COL4A1: variants seen among roughly 807,000 people sequenced by gnomAD.
The protein encoded by COL4A1 is collagen type IV alpha 1 chain.
In COL4A1, 40 loss-of-function variants were observed where a neutral mutation model predicts 216.6. The ratio of observed to expected loss-of-function variants is 0.18; its 90% confidence interval spans 0.14 to 0.24. The LOEUF is 0.24. Among genes scored for constraint, COL4A1 ranks in the 10% least tolerant of loss-of-function variants. The pLI is 1.00. For synonymous variants in COL4A1, 839 were observed against 810.7 expected (o/e 1.03, Z -0.59); for missense variants, 1,628 against 2,196.8 (o/e 0.74, Z 5.18).
chr13:110,223,301 G>T (rs1247553690), intron 2 of COL4A1, among the ~76,000 whole-genome samples: 3 of 151,954 alleles, frequency 2.0e-5, no homozygotes, highest in Non-Finnish European at 2.9e-5. Flanking sequence ...TTCTTCTTTG[G>T]TCTTCTTCCA....
intron 2 of COL4A1, among the ~76,000 whole-genome samples, chr13:110,219,649 T>A (rs71440054): frequency 0.26 from 33,534 of 128,602 alleles, 4,371 homozygotes; most frequent in East Asian, 0.35. Flanking sequence ...AAGTTGAAAA[T>A]ATATATATAT....
In COL4A1 at chr13:110,252,590, T is replaced by TTA. The variant is rs1300920203; in HGVS notation, c.85-9858_85-9857dup. 2.7e-4 allele frequency among the ~76,000 whole-genome samples: 36 copies of TTA among 131,560 alleles called. 12 individuals are homozygous for TTA. The highest frequency in any genetic ancestry group is 7.2e-4 in the South Asian group (3 of 4,152). 86.3% of individuals were successfully genotyped at this position (131,560 alleles called of 152,430 possible). On this transcript the variant is annotated intron_variant, in intron 1 of 51. Coordinates refer to ENST00000375820, the MANE Select transcript of COL4A1 (RefSeq NM_001845.6). ...GTATATATGTATTATATACGTATAA[T>TTA]TATACGTATATATGTATTATATATG... is the stretch of plus-strand genomic sequence containing the variant.
chr13:110,151,667 G>C (rs918703623), intron 51 of COL4A1, among the ~76,000 whole-genome samples: 3 of 152,194 alleles, frequency 2.0e-5, no homozygotes, highest in Non-Finnish European at 4.4e-5. Context: ...AGCTGTGCCA[G>C]CTCCGTCAGC....
chr13:110,171,090 G>A (rs1460136925), intron 41 of COL4A1, among the ~76,000 whole-genome samples: 6 of 152,238 alleles, frequency 3.9e-5, no homozygotes, highest in African/African-American at 1.4e-4. Context: ...GCACATGAAT[G>A]GGCTGGACAA....
intron 1 of COL4A1, among the ~76,000 whole-genome samples, chr13:110,272,891 G>T (rs1883296613): frequency 6.6e-6 from 1 of 152,210 alleles, no homozygotes; most frequent in African/African-American, 2.4e-5. Flanking sequence ...GGTGCCCATG[G>T]AAACTGATAA....
At chr13:110,299,252 G>T (rs762951388) in intron 1 of COL4A1, among the ~76,000 whole-genome samples, 2 of 152,198 alleles carry the variant, frequency 1.3e-5, no homozygotes, top group Non-Finnish European at 2.9e-5. Context: ...GTCAGTAGCC[G>T]CACCCTCACC....
intron 1 of COL4A1, among the ~76,000 whole-genome samples, chr13:110,302,112 C>T (rs1339140037): frequency 1.3e-5 from 2 of 152,188 alleles, no homozygotes; most frequent in South Asian, 2.1e-4. Flanking sequence ...AAGCTGCGGG[C>T]ACCTCTGGGA....
chr13:110,224,577 C>T (rs1276874034), intron 2 of COL4A1, among the ~76,000 whole-genome samples: 1 of 152,214 alleles, frequency 6.6e-6, no homozygotes, highest in Non-Finnish European at 1.5e-5. Context: ...CCAGCCTCGG[C>T]CTCCCAAAGT....
rs1881078410 is a variant in COL4A1, at chr13:110,231,802, A to G, written c.144+10873T>C. 5.3e-5 allele frequency among the ~76,000 whole-genome samples: 8 copies of G among 152,250 alleles called. No individual in the cohort carries two copies. The South Asian group carries it at 1.7e-3, about 32-fold the overall frequency. On this transcript the variant is annotated intron_variant, in intron 2 of 51. Transcript: ENST00000375820. ...TCTAGGGAAAACCACTTCAAAATCA[A>G]GCATGTCACCACATGCCACAGACTT...
chr13:110,225,425 A>T (rs1461463796), intron 2 of COL4A1, among the ~76,000 whole-genome samples: 1 of 152,226 alleles, frequency 6.6e-6, no homozygotes, highest in Non-Finnish European at 1.5e-5. Flanking sequence ...TCTACTAAAA[A>T]TACAAAAATT....
At chr13:110,266,843 G>A (rs1566430406) in intron 1 of COL4A1, among the ~76,000 whole-genome samples, 1 of 152,140 alleles carries the variant, frequency 6.6e-6, no homozygotes, top group African/African-American at 2.4e-5. Context: ...GTGGCAAAAT[G>A]TAAGCAATTG....
At chr13:110,250,829 G>A (rs1404120002) in intron 1 of COL4A1, among the ~76,000 whole-genome samples, 1 of 152,196 alleles carries the variant, frequency 6.6e-6, no homozygotes, top group Non-Finnish European at 1.5e-5. Context: ...CCAGCATCCG[G>A]GTCCCACGGA....
chr13:110,177,066 G>T, intron 33 of COL4A1, 29 bp from the exon 34 acceptor site: 1 of 1,612,144 alleles, frequency 6.2e-7, no homozygotes, highest in South Asian at 1.1e-5. Flanking sequence ...GCACTGGTGA[G>T]CCTGGGCCAG....
Position 110,179,351 on chromosome 13 carries a change from C to G in COL4A1, c.2264G>C (p.Gly755Ala), listed in dbSNP as rs1878041974. ...TGGTACCCCAATGCTCCCCTTCTCC[C>G]CGGGTGTGCCAGGAATGCCGGGAAG... ...PGLPGIPGTPGEKGSIGVPGV... is the reference protein window; with the variant it reads ...PGLPGIPGTPAEKGSIGVPGV... Residue 755 changes from glycine (G) to alanine (A), a missense_variant, in exon 30 of 52, where the codon GGG becomes GCG. Gly to Ala is a moderately conservative substitution (Grantham distance 60). This residue lies in a region of COL4A1 where 701 missense variants were observed against 892.5 expected (regional missense o/e 0.79). Transcript: ENST00000375820. 6.2e-7 allele frequency: 1 copy of G among 1,614,048 alleles called. No individual in the cohort carries two copies. Among genetic ancestry groups the G allele is most frequent in the Non-Finnish European group, 8.5e-7 (1 of 1,180,030 alleles).
At chr13:110,228,253 A>C (rs1880842964) in intron 2 of COL4A1, among the ~76,000 whole-genome samples, 1 of 151,478 alleles carries the variant, frequency 6.6e-6, no homozygotes, top group South Asian at 2.1e-4. Flanking sequence ...GGGGGTCTAC[A>C]TCAGGAACAA....
At chr13:110,300,638 A>T (rs1160904431) in intron 1 of COL4A1, among the ~76,000 whole-genome samples, 1 of 152,272 alleles carries the variant, frequency 6.6e-6, no homozygotes, top group East Asian at 1.9e-4. Context: ...AAATGAAAAT[A>T]GAGCAACTGA....
intron 1 of COL4A1, among the ~76,000 whole-genome samples, chr13:110,252,289 A>G (rs1425680691): frequency 6.6e-6 from 1 of 151,808 alleles, no homozygotes; most frequent in Non-Finnish European, 1.5e-5. Flanking sequence ...CTCCCGAAGC[A>G]CTGGGATTAG....
intron 1 of COL4A1, among the ~76,000 whole-genome samples, chr13:110,270,497 C>A (rs1399793497): frequency 3.3e-5 from 5 of 152,154 alleles, no homozygotes; most frequent in African/African-American, 9.7e-5. Flanking sequence ...CTGTTTTAGG[C>A]TTGTATTGTA....
chr13:110,290,250 G>A lies in COL4A1; in HGVS notation c.84+16694C>T, dbSNP rs116428464. Among the ~76,000 whole-genome samples the A allele has an allele frequency of 2.9e-3, 440 of 152,258 alleles. 8 individuals are homozygous for A. Among genetic ancestry groups the A allele is most frequent in the African/African-American group, 0.01 (418 of 41,540 alleles). On this transcript the variant is annotated intron_variant, in intron 1 of 51. Transcript: ENST00000375820. ...AACACACTAAGCTACACAGACACAC[G>A]TGAGCGCGTTGCAAGCTAACAAGCG...
Sources: gnomAD v4.1 joint callset for allele counts (sites outside exome capture counted in the v4.1 genomes callset) on GRCh38, gnomAD v4.1.1 for gene constraint, gnomAD v4.1.1 regional missense constraint, MANE v1.5 for transcripts, NCBI Gene and HGNC (gene_info 2026-07-23, HGNC 2026-07-21) for gene names.